The following STARD6 variants were observed in gnomAD, a reference collection of about 807,000 sequenced individuals.
The protein encoded by STARD6 is StAR related lipid transfer domain containing 6.
A neutral mutation model predicts 22.3 loss-of-function variants in STARD6; 21 were observed. That is an observed-to-expected ratio of 0.94 (90% confidence interval 0.67 to 1.35). STARD6 has a LOEUF of 1.35. STARD6 is among the 40% of genes most tolerant of loss of function. The pLI is 0.00. For synonymous variants in STARD6, 80 were observed against 88.1 expected, an observed-to-expected ratio of 0.91 and a Z score of 0.52; for missense variants, 269 against 266.9, an observed-to-expected ratio of 1.01 and a Z score of -0.05.
intron 5 of STARD6, among the ~76,000 whole-genome samples, chr18:54,334,292 G>A (rs1366201128): frequency 6.6e-6 from 1 of 152,066 alleles, no homozygotes; most frequent in South Asian, 2.1e-4. Context: ...TGATTTCGTA[G>A]CCTCATAACT....
intron 5 of STARD6, among the ~76,000 whole-genome samples, chr18:54,332,724 T>C (rs889576620): frequency 6.6e-6 from 1 of 152,072 alleles, no homozygotes; most frequent in African/African-American, 2.4e-5. Flanking sequence ...CCCTCACCAG[T>C]AGGTTGAAGA....
At chr18:54,336,362 A>T (rs192797750) in intron 5 of STARD6, among the ~76,000 whole-genome samples, 48 of 152,300 alleles carry the variant, frequency 3.2e-4, no homozygotes, top group Middle Eastern at 3.4e-3. Context: ...TAATTGGATC[A>T]TGGGGGTGGT....
chr18:54,338,971 C>A (rs1256333888), intron 4 of STARD6, among the ~76,000 whole-genome samples: 1 of 138,398 alleles, frequency 7.2e-6, no homozygotes, highest in Non-Finnish European at 1.5e-5. Context: ...TCGCTTGAAC[C>A]CAGGAGGCGG....
At chr18:54,354,657 T>A (rs2089128125) in intron 2 of STARD6, 80 bp from the exon 3 acceptor site, 1 of 939,132 alleles carries the variant, frequency 1.1e-6, no homozygotes. Flanking sequence ...ATTTTAATAT[T>A]ATTTCTATAA....
At chr18:54,335,291 T>C (rs540819358) in intron 5 of STARD6, among the ~76,000 whole-genome samples, 8 of 152,106 alleles carry the variant, frequency 5.3e-5, no homozygotes, top group African/African-American at 1.9e-4. Context: ...GCCTCCTTGG[T>C]TCAAGTGATT....
chr18:54,335,096 A>C (rs2088896092), intron 5 of STARD6, among the ~76,000 whole-genome samples: 1 of 152,206 alleles, frequency 6.6e-6, no homozygotes, highest in Admixed American at 6.5e-5. Flanking sequence ...AAACACAAAC[A>C]ACTGGAATGG....
chr18:54,352,834 G>C (rs1192693636), intron 4 of STARD6, among the ~76,000 whole-genome samples: 1 of 152,088 alleles, frequency 6.6e-6, no homozygotes, highest in African/African-American at 2.4e-5. Context: ...ATTACTTGTA[G>C]ACTAAATAAA....
chr18:54,325,541 G>A (rs1223367888), intron 7 of STARD6, among the ~76,000 whole-genome samples: 1 of 150,912 alleles, frequency 6.6e-6, no homozygotes, highest in Non-Finnish European at 1.5e-5. Context: ...TCTTTGTAAT[G>A]TATCCATTTA....
intron 4 of STARD6, among the ~76,000 whole-genome samples, chr18:54,344,589 A>AAAAG (rs1555681367): frequency 1.4e-5 from 2 of 147,466 alleles, no homozygotes; most frequent in Non-Finnish European, 3.0e-5. Context: ...AAATTAAAAA[A>AAAAG]AAAAAAAAAA....
intron 4 of STARD6, among the ~76,000 whole-genome samples, chr18:54,347,670 A>C (rs188256496): frequency 6.6e-5 from 10 of 152,208 alleles, no homozygotes; most frequent in African/African-American, 1.9e-4. Flanking sequence ...GTTTAGGAAG[A>C]TATTGAACCA....
In STARD6 at chr18:54,354,461, C is replaced by T. The variant is rs757810108; in HGVS notation, c.90+23G>A. The stretch of plus-strand genomic sequence containing the variant: ...CTTACTTAAAAACAAAGTCTTGAAA[C>T]ATAATTTAACTTATTTTCTTACTGA... On this transcript the variant is annotated intron_variant, in intron 3 of 7. Transcript: ENST00000307844. The T allele has an allele frequency of 2.6e-6, 4 of 1,559,544 alleles. No homozygotes were observed. In the South Asian group the frequency reaches 4.6e-5, roughly 18 times the overall value.
At chr18:54,339,702 T>TA (rs2088952825) in intron 4 of STARD6, among the ~76,000 whole-genome samples, 12 of 152,150 alleles carry the variant, frequency 7.9e-5, no homozygotes, top group Admixed American at 7.2e-4. Context: ...TTGGTAGTAG[T>TA]CCTGCCTTAC....
At chr18:54,344,578 T>G (rs900590772) in intron 4 of STARD6, among the ~76,000 whole-genome samples, 3 of 35,616 alleles carry the variant, frequency 8.4e-5, no homozygotes, top group Non-Finnish European at 1.5e-4. Context: ...AATAAAAAAA[T>G]AAATTAAAAA....
At chr18:54,329,514 GAAACA>G in intron 6 of STARD6, 74 bp from the exon 7 acceptor site, 1 of 1,186,718 alleles carries the variant, frequency 8.4e-7, no homozygotes, top group East Asian at 2.4e-5. Flanking sequence ...CATATTTTTA[GAAACA>G]TATAGCATTT....
Position 54,324,670 on chromosome 18 carries a change from G to GGCCT in STARD6, c.*18_*21dup. On this transcript the variant is annotated 3_prime_UTR_variant, in exon 8 of 8. Coordinates refer to ENST00000307844, the MANE Select transcript of STARD6 (RefSeq NM_139171.2). Reference sequence around the variant, plus strand: ...ACTACACATGATTTTATAGCAGAACGGCCTCATTTCTTCTTTTGGTATCAT... The same window carrying GGCCT: ...ACTACACATGATTTTATAGCAGAACGGCCTGCCTCATTTCTTCTTTTGGTATCAT... The GGCCT allele has an allele frequency of 6.2e-7, 1 of 1,607,816 alleles. No individual in the cohort carries two copies. Among genetic ancestry groups the GGCCT allele is most frequent in the Non-Finnish European group, 8.5e-7 (1 of 1,176,656 alleles).
intron 4 of STARD6, among the ~76,000 whole-genome samples, chr18:54,349,336 G>C (rs2089071793): frequency 6.6e-6 from 1 of 152,020 alleles, no homozygotes; most frequent in African/African-American, 2.4e-5. Flanking sequence ...AGCTTGCCAG[G>C]CAAGAGGAGA....
At chr18:54,348,410 T>C (rs754283242) in intron 4 of STARD6, among the ~76,000 whole-genome samples, 1 of 152,188 alleles carries the variant, frequency 6.6e-6, no homozygotes, top group Non-Finnish European at 1.5e-5. Context: ...CATCTCTGGA[T>C]AATCTGCCTT....
chr18:54,351,830 C>T (rs1296530235), intron 4 of STARD6, among the ~76,000 whole-genome samples: 1 of 146,182 alleles, frequency 6.8e-6, no homozygotes, highest in Non-Finnish European at 1.5e-5. Context: ...TTTTGATATA[C>T]TGTTGGATTA....
At chr18:54,349,834 T>C (rs1433590678) in intron 4 of STARD6, among the ~76,000 whole-genome samples, 1 of 152,206 alleles carries the variant, frequency 6.6e-6, no homozygotes, top group Non-Finnish European at 1.5e-5. Flanking sequence ...TGCTATTATT[T>C]TGTTGCTTTT....
Sources: gnomAD v4.1 joint callset for allele counts (sites outside exome capture counted in the v4.1 genomes callset) on GRCh38, gnomAD v4.1.1 for gene constraint, MANE v1.5 for transcripts, NCBI Gene and HGNC (gene_info 2026-07-23, HGNC 2026-07-21) for gene names.